The following RPS6KC1 variants were observed in gnomAD, a reference collection of about 807,000 sequenced individuals.
RPS6KC1 encodes inactive ribosomal protein S6 kinase delta-1.
Under a neutral mutation model 103.8 loss-of-function variants are expected in RPS6KC1, and 54 were observed. The ratio of observed to expected loss-of-function variants is 0.52; its 90% confidence interval spans 0.42 to 0.65. RPS6KC1 has a LOEUF of 0.65. RPS6KC1 is among the 30% of genes least tolerant of loss of function. The pLI is 0.00. For synonymous variants in RPS6KC1, 439 were observed against 438.7 expected, an observed-to-expected ratio of 1.00 and a Z score of -0.01; for missense variants, 1,151 against 1,253.8, an observed-to-expected ratio of 0.92 and a Z score of 1.24.
chr1:213,110,306 T>C (rs975276160), intron 4 of RPS6KC1, among the ~76,000 whole-genome samples: 1 of 152,218 alleles, frequency 6.6e-6, no homozygotes, highest in African/African-American at 2.4e-5. Flanking sequence ...GGAAAATCTA[T>C]ATTTTGGATA....
chr1:213,288,135 C>A, the RPS6KC1 span, among the ~76,000 whole-genome samples: 3 of 152,184 alleles, frequency 2.0e-5, no homozygotes, highest in South Asian at 2.1e-4. Flanking sequence ...CATCACTACT[C>A]CAGGGAGAAA....
chr1:213,176,125 A>G (rs751591895), intron 7 of RPS6KC1, among the ~76,000 whole-genome samples: 2 of 152,208 alleles, frequency 1.3e-5, no homozygotes, highest in African/African-American at 2.4e-5. Flanking sequence ...TTATTGCTCT[A>G]GAAACTGCCA....
the RPS6KC1 span, among the ~76,000 whole-genome samples, chr1:213,666,357 TTC>T: frequency 6.6e-6 from 1 of 152,144 alleles, no homozygotes; most frequent in Non-Finnish European, 1.5e-5. Context: ...ATTTCACAAC[TTC>T]CACATCGCAT....
chr1:213,435,850 C>G, the RPS6KC1 span, among the ~76,000 whole-genome samples: 1 of 152,146 alleles, frequency 6.6e-6, no homozygotes, highest in Admixed American at 6.5e-5. Context: ...TCTGCCCCAG[C>G]CCCCACCCCT....
the RPS6KC1 span, among the ~76,000 whole-genome samples, chr1:213,512,470 C>T: frequency 6.6e-6 from 1 of 152,196 alleles, no homozygotes; most frequent in East Asian, 1.9e-4. Flanking sequence ...ACACAGCTCT[C>T]CCAGCCTGCT....
chr1:213,328,176 A>G, the RPS6KC1 span, among the ~76,000 whole-genome samples: 93 of 152,132 alleles, frequency 6.1e-4, no homozygotes, highest in Non-Finnish European at 1.2e-3. Context: ...CTGGCTTTCA[A>G]TAGGCATGCA....
chr1:213,545,119 A>G, the RPS6KC1 span, among the ~76,000 whole-genome samples: 1 of 152,162 alleles, frequency 6.6e-6, no homozygotes, highest in African/African-American at 2.4e-5. Flanking sequence ...TAATCCCAGC[A>G]CTTTGGGAGA....
At chr1:213,853,717 C>A in the RPS6KC1 span, among the ~76,000 whole-genome samples, 3 of 152,196 alleles carry the variant, frequency 2.0e-5, no homozygotes, top group African/African-American at 7.2e-5. Context: ...ACTTACAGTT[C>A]TTTGCTATCT....
At chr1:213,854,519 T>C in the RPS6KC1 span, among the ~76,000 whole-genome samples, 113 of 79,494 alleles carry the variant, frequency 1.4e-3, 1 homozygote, top group Non-Finnish European at 1.0e-3. Context: ...TCTCTTTCTT[T>C]CTTTCTTTCT....
chr1:213,610,670 C>T, the RPS6KC1 span, among the ~76,000 whole-genome samples: 2 of 152,184 alleles, frequency 1.3e-5, no homozygotes, highest in African/African-American at 2.4e-5. Flanking sequence ...GGAACACACT[C>T]CCCAGGGCAG....
intron 10 of RPS6KC1, among the ~76,000 whole-genome samples, chr1:213,233,015 G>A (rs1232595171): frequency 1.3e-5 from 2 of 152,026 alleles, no homozygotes. Flanking sequence ...ATCTCGTGAA[G>A]GCATTGTTAT....
At chr1:213,163,211 G>A (rs1390003034) in intron 6 of RPS6KC1, among the ~76,000 whole-genome samples, 1 of 152,120 alleles carries the variant, frequency 6.6e-6, no homozygotes, top group Non-Finnish European at 1.5e-5. Context: ...CAACAAAAAA[G>A]AAGGCAAAAA....
the RPS6KC1 span, among the ~76,000 whole-genome samples, chr1:213,760,070 C>T: frequency 6.6e-6 from 1 of 152,150 alleles, no homozygotes. Context: ...GCATGCCAGT[C>T]GGTGGGGCCG....
chr1:213,163,881 A>G (rs889304364), intron 6 of RPS6KC1, among the ~76,000 whole-genome samples: 8 of 152,196 alleles, frequency 5.3e-5, no homozygotes, highest in African/African-American at 1.9e-4. Flanking sequence ...TTTGTTGCCT[A>G]ACAGGCACCT....
At chr1:213,415,878 G>T in the RPS6KC1 span, among the ~76,000 whole-genome samples, 1 of 152,232 alleles carries the variant, frequency 6.6e-6, no homozygotes, top group African/African-American at 2.4e-5. Flanking sequence ...GTGTGACTTG[G>T]TTGCAGTTTA....
chr1:213,511,572 G>A, the RPS6KC1 span, among the ~76,000 whole-genome samples: 6 of 152,158 alleles, frequency 3.9e-5, no homozygotes, highest in Non-Finnish European at 7.3e-5. Context: ...ATTCATTTCA[G>A]AGAAATGGCC....
chr1:213,060,504 T>G (rs1015005866), intron 1 of RPS6KC1, among the ~76,000 whole-genome samples: 1 of 152,250 alleles, frequency 6.6e-6, no homozygotes, highest in Non-Finnish European at 1.5e-5. Flanking sequence ...TTTATTCTAC[T>G]GTTCCTTTGT....
intron 7 of RPS6KC1, among the ~76,000 whole-genome samples, chr1:213,173,450 T>C (rs940326119): frequency 2.6e-5 from 4 of 152,230 alleles, no homozygotes; most frequent in African/African-American, 9.6e-5. Context: ...GGAGACTGTA[T>C]AGTCAAGACT....
chr1:213,693,488 C>T, the RPS6KC1 span, among the ~76,000 whole-genome samples: 1 of 152,152 alleles, frequency 6.6e-6, no homozygotes, highest in Non-Finnish European at 1.5e-5. Context: ...ACCCAACATT[C>T]AGTGATTGAC....
Sources: gnomAD v4.1 joint callset for allele counts (sites outside exome capture counted in the v4.1 genomes callset) on GRCh38, gnomAD v4.1.1 for gene constraint, MANE v1.5 for transcripts, NCBI Gene and HGNC (gene_info 2026-07-23, HGNC 2026-07-21) for gene names.